Variants in AGAP1 observed in about 807,000 individuals in gnomAD.
The protein encoded by AGAP1 is ArfGAP with GTPase domain, ankyrin repeat and PH domain 1, also known as arf-GAP with GTPase, ANK repeat and PH domain-containing protein 1.
In AGAP1, 29 loss-of-function variants were observed where a neutral mutation model predicts 105.3. That is an observed-to-expected ratio of 0.28 (90% confidence interval 0.21 to 0.38). The LOEUF is 0.38. AGAP1 is among the 10% of genes least tolerant of loss of function. AGAP1 has a pLI of 1.00. For missense variants in AGAP1, 998 were observed against 1,165.1 expected (o/e 0.86, Z 2.09); for synonymous variants, 509 against 485.9 (o/e 1.05, Z -0.63).
At chr2:235,890,728 G>T (rs80203515) in intron 10 of AGAP1, among the ~76,000 whole-genome samples, 1,640 of 152,250 alleles carry the variant, frequency 0.011, 37 homozygotes, top group African/African-American at 0.038. Flanking sequence ...TGGCTGGAAG[G>T]TGTCCGTTTT....
chr2:235,747,965 A>G lies in AGAP1; in HGVS notation c.539-2389A>G, dbSNP rs1035610550. On this transcript the variant is annotated intron_variant, in intron 5 of 17. Coordinates refer to ENST00000304032, the MANE Select transcript of AGAP1 (RefSeq NM_001037131.3). The surrounding 1 kb of genome is among the most constrained non-coding windows in gnomAD (Gnocchi z 5.0). The stretch of plus-strand genomic sequence containing the variant: ...TGGCGGGAGGGGCAGCTCTGCCAGC[A>G]GGAGCTCTTTCTGGGCAGTAGCCAA... 2.6e-5 allele frequency among the ~76,000 whole-genome samples: 4 copies of G among 152,266 alleles called. No individual in the cohort carries two copies. Among genetic ancestry groups the G allele is most frequent in the Non-Finnish European group, 5.9e-5 (4 of 68,054 alleles).
intron 16 of AGAP1, 183 bp downstream of exon 16, chr2:236,049,464 C>G: frequency 3.6e-6 from 2 of 556,220 alleles, no homozygotes; most frequent in Non-Finnish European, 6.3e-6. Flanking sequence ...GTGGATAATT[C>G]ACACTCCTTA....
At chr2:235,745,995 G>A (rs781446952) in intron 5 of AGAP1, among the ~76,000 whole-genome samples, 24 of 152,198 alleles carry the variant, frequency 1.6e-4, no homozygotes, top group Non-Finnish European at 3.1e-4. Flanking sequence ...GCATGGTGGT[G>A]CATGCCTGTA....
intron 1 of AGAP1, among the ~76,000 whole-genome samples, chr2:235,637,634 C>T (rs927206173): frequency 3.3e-5 from 5 of 151,954 alleles, no homozygotes; most frequent in Non-Finnish European, 5.9e-5. Flanking sequence ...GACCAGTGGG[C>T]TGTATGTTTC....
intron 1 of AGAP1, among the ~76,000 whole-genome samples, chr2:235,688,705 G>A (rs769375418): frequency 2.0e-5 from 3 of 152,200 alleles, no homozygotes; most frequent in Non-Finnish European, 2.9e-5. Context: ...GGGAGTCACC[G>A]CTGCTGAAAG....
rs907300411 is a variant in AGAP1, at chr2:235,663,732, C to G, written c.164-45447C>G. 2.6e-5 allele frequency among the ~76,000 whole-genome samples: 4 copies of G among 152,176 alleles called. No individual in the cohort carries two copies. The highest frequency in any genetic ancestry group is 5.9e-5 in the Non-Finnish European group (4 of 68,034). ...TCTCTGACAGTTCGTGATATTCGTT[C>G]CTACTCCAGGAAGCTCTTAGGAGAA... On this transcript the variant is annotated intron_variant, in intron 1 of 17. Transcript: ENST00000304032. The surrounding 1 kb of genome is among the most constrained non-coding windows in gnomAD (Gnocchi z 5.4).
In AGAP1 at chr2:235,951,741, A is replaced by T. The variant is rs983570132; in HGVS notation, c.1484-16721A>T. ...AAATAAACATTTCCTCCTATCCTGG[A>T]TGACTGGAGCCTTGGGCTGCAGATG... On this transcript the variant is annotated intron_variant, in intron 12 of 17. Transcript: ENST00000304032. This position sits in a 1 kb window ranked among gnomAD's most constrained non-coding sequence, Gnocchi z 4.2. Among the ~76,000 whole-genome samples the T allele has an allele frequency of 6.6e-6, 1 of 152,148 alleles. No individual in the cohort carries two copies. Among genetic ancestry groups the T allele is most frequent in the Admixed American group, 6.5e-5 (1 of 15,278 alleles).
chr2:235,510,256 G>A (rs370729314), intron 1 of AGAP1, among the ~76,000 whole-genome samples: 4 of 152,120 alleles, frequency 2.6e-5, no homozygotes, highest in African/African-American at 4.8e-5. Context: ...TGTCTTCCAC[G>A]AAACCGGTCC....
chr2:235,931,176 T>C lies in AGAP1; in HGVS notation c.1483+253T>C, dbSNP rs1020228677. Among the ~76,000 whole-genome samples, 1 of 152,166 alleles carries C rather than the reference T, an allele frequency of 6.6e-6. No individual in the cohort carries two copies. Among genetic ancestry groups the C allele is most frequent in the South Asian group, 2.1e-4 (1 of 4,820 alleles). On this transcript the variant is annotated intron_variant, in intron 12 of 17. Coordinates refer to ENST00000304032, the MANE Select transcript of AGAP1 (RefSeq NM_001037131.3). This position sits in a 1 kb window ranked among gnomAD's most constrained non-coding sequence, Gnocchi z 5.6. Reference sequence around the variant, plus strand: ...AGGTAGTCATCCCATTTGGTCAGTTTGGAAACTGAGGCGGCAGACAGGGCA... The same window carrying C: ...AGGTAGTCATCCCATTTGGTCAGTTCGGAAACTGAGGCGGCAGACAGGGCA...
Position 236,003,610 on chromosome 2 carries a change from C to A in AGAP1, c.1646-32951C>A, listed in dbSNP as rs2056213442. Among the ~76,000 whole-genome samples, 1 of 152,222 alleles carries A rather than the reference C, an allele frequency of 6.6e-6. No individual in the cohort carries two copies. Among genetic ancestry groups the A allele is most frequent in the Non-Finnish European group, 1.5e-5 (1 of 68,034 alleles). ...TTAAGTCCCACATCCAAGCTCCCTC[C>A]ACCCCACACTCTCCCTTGGATTTGC... On this transcript the variant is annotated intron_variant, in intron 13 of 17. Transcript: ENST00000304032. The surrounding 1 kb of genome is among the most constrained non-coding windows in gnomAD (Gnocchi z 4.2).
rs2054024227 is a variant in AGAP1, at chr2:235,958,108, AT to A, written c.1484-10350del. 6.6e-6 allele frequency among the ~76,000 whole-genome samples: 1 copy of A among 151,884 alleles called. No individual in the cohort carries two copies. Among genetic ancestry groups the A allele is most frequent in the Admixed American group, 6.6e-5 (1 of 15,254 alleles). On this transcript the variant is annotated intron_variant, in intron 12 of 17. Coordinates refer to ENST00000304032, the MANE Select transcript of AGAP1 (RefSeq NM_001037131.3). This position sits in a 1 kb window ranked among gnomAD's most constrained non-coding sequence, Gnocchi z 4.1. ...GCTTCTTATGAACATGTTTTAAAGC[AT>A]TTTGTATCTTTAATCAACATGTAGA...
rs1176985047 is a variant in AGAP1 at position 235,792,067 on chromosome 2, CCCTA to C, written c.674-5687_674-5684del. Among the ~76,000 whole-genome samples, 2 of 152,082 alleles carry C rather than the reference CCCTA, an allele frequency of 1.3e-5. No homozygotes were observed. Among genetic ancestry groups the C allele is most frequent in the East Asian group, 3.9e-4 (2 of 5,184 alleles). On this transcript the variant is annotated intron_variant, in intron 6 of 17. Coordinates refer to ENST00000304032, the MANE Select transcript of AGAP1 (RefSeq NM_001037131.3). The surrounding 1 kb of genome is among the most constrained non-coding windows in gnomAD (Gnocchi z 5.3). ...GGAGGTGTGGTTCGTACTTTATAAT[CCCTA>C]CCTAACAGTGCTTACTCGGAATTGC...
chr2:235,926,668 CAG>C (rs776436897), intron 11 of AGAP1, among the ~76,000 whole-genome samples: 2 of 152,120 alleles, frequency 1.3e-5, no homozygotes, highest in Non-Finnish European at 2.9e-5. Context: ...TATTTTGAAA[CAG>C]AGATTTACTC....
At chr2:235,540,998 G>A (rs1220055723) in intron 1 of AGAP1, among the ~76,000 whole-genome samples, 2 of 152,064 alleles carry the variant, frequency 1.3e-5, no homozygotes, top group Non-Finnish European at 2.9e-5. Context: ...TTTAATACAA[G>A]TAATATTTGC....
At chr2:235,583,746 G>A (rs1404202698) in intron 1 of AGAP1, among the ~76,000 whole-genome samples, 4 of 151,348 alleles carry the variant, frequency 2.6e-5, no homozygotes, top group Non-Finnish European at 5.9e-5. Flanking sequence ...GTGTGGTGGT[G>A]TGCGCCTGTA....
At position 235,960,089 on chromosome 2, in the gene AGAP1, T is replaced by G. The variant is rs766526057; in HGVS notation, c.1484-8373T>G. On this transcript the variant is annotated intron_variant, in intron 12 of 17. Transcript: ENST00000304032. The surrounding 1 kb of genome is among the most constrained non-coding windows in gnomAD (Gnocchi z 4.9). ...CAGCATGGCCTGGAAAGTCACTGCC[T>G]CAACTCCATGCCTCCAAATGGGGGC... 7.2e-5 allele frequency among the ~76,000 whole-genome samples: 11 copies of G among 152,144 alleles called. No homozygotes were observed. The highest frequency in any genetic ancestry group is 1.6e-4 in the Non-Finnish European group (11 of 68,014).
rs535325915 is a variant in AGAP1, at chr2:235,817,855, C to T, written c.1050+10524C>T. On this transcript the variant is annotated intron_variant, in intron 9 of 17. Coordinates refer to ENST00000304032, the MANE Select transcript of AGAP1 (RefSeq NM_001037131.3). ...GCAGTGGGCTGCGATCGCACCACTGCACTCCAGCCTGGGCAACAGAGTGAG... is the reference window on the plus strand; with the variant it reads ...GCAGTGGGCTGCGATCGCACCACTGTACTCCAGCCTGGGCAACAGAGTGAG... Among the ~76,000 whole-genome samples, 6 of 152,286 alleles carry T rather than the reference C, an allele frequency of 3.9e-5. No individual in the cohort carries two copies. In the East Asian group the frequency reaches 1.2e-3, roughly 29 times the overall value.
intron 1 of AGAP1, among the ~76,000 whole-genome samples, chr2:235,531,765 C>T (rs552806026): frequency 8.7e-4 from 133 of 152,128 alleles, no homozygotes; most frequent in Non-Finnish European, 1.6e-3. Context: ...CCTGCCACCA[C>T]GCCCAGCTAA....
intron 16 of AGAP1, among the ~76,000 whole-genome samples, chr2:236,091,121 C>T (rs937984202): frequency 6.6e-6 from 1 of 152,216 alleles, no homozygotes; most frequent in Admixed American, 6.5e-5. Context: ...TTTCTACACA[C>T]GTGCATGCGT....
Sources: allele counts gnomAD v4.1 joint callset (sites outside exome capture counted in the v4.1 genomes callset), GRCh38; gene constraint gnomAD v4.1.1; non-coding constraint Gnocchi (gnomAD v3.1); transcripts MANE v1.5; gene names NCBI Gene and HGNC (gene_info 2026-07-23, HGNC 2026-07-21).